The following UNC5C variants were observed in gnomAD, a reference collection of about 807,000 sequenced individuals.
UNC5C encodes the protein unc-5 netrin receptor C.
In UNC5C, 47 loss-of-function variants were observed where a neutral mutation model predicts 99.8. The ratio of observed to expected loss-of-function variants is 0.47; its 90% CI spans 0.37 to 0.60. The LOEUF (loss-of-function observed/expected upper bound fraction) is 0.60, where lower values mean the gene tolerates loss of function less well. Ranked by LOEUF, UNC5C falls within the 20% of genes least tolerant of loss-of-function variation. The probability of loss-of-function intolerance (pLI) is 0.00; values close to 1 mark genes in which losing one functional copy is unlikely to be tolerated. For synonymous variants in UNC5C, 487 were observed against 452.2 expected (o/e 1.08, Z -0.98); for missense variants, 1,062 against 1,165.9 (o/e 0.91, Z 1.30).
intron 1 of UNC5C, among the ~76,000 whole-genome samples, chr4:95,506,004 A>G (rs950366071): frequency 6.6e-6 from 1 of 152,042 alleles, no homozygotes; most frequent in Non-Finnish European, 1.5e-5. Flanking sequence ...ATATGCTGAC[A>G]TGTGCCTTTT....
chr4:95,509,062 A>G (rs987593949), intron 1 of UNC5C, among the ~76,000 whole-genome samples: 5 of 151,894 alleles, frequency 3.3e-5, no homozygotes, highest in Non-Finnish European at 5.9e-5. Flanking sequence ...ATTGAGTGAA[A>G]AGCTTAATTT....
intron 1 of UNC5C, among the ~76,000 whole-genome samples, chr4:95,416,770 C>A (rs1746177573): frequency 6.6e-6 from 1 of 152,130 alleles, no homozygotes; most frequent in Admixed American, 6.5e-5. Flanking sequence ...AATTAAATAG[C>A]TTGTACTTCT....
chr4:95,395,850 A>T (rs1336025535), intron 1 of UNC5C, among the ~76,000 whole-genome samples: 1 of 152,180 alleles, frequency 6.6e-6, no homozygotes, highest in African/African-American at 2.4e-5. Flanking sequence ...TAGACCAAGC[A>T]TGGGGCCCTT....
chr4:95,271,559 G>A (rs1389872169), intron 4 of UNC5C, among the ~76,000 whole-genome samples: 1 of 152,130 alleles, frequency 6.6e-6, no homozygotes, highest in Non-Finnish European at 1.5e-5. Context: ...ATTGATCTTA[G>A]GTCATCTGAA....
In UNC5C at chr4:95,354,480, T is replaced by TATATATATATA. The variant is rs760696053; in HGVS notation, c.125-18850_125-18849insTATATATATAT. On this transcript the variant is annotated intron_variant, in intron 1 of 15. Transcript: ENST00000453304. The stretch of plus-strand genomic sequence containing the variant: ...TACCTAACTCTTCCATATATATATA[T>TATATATATATA]TTTTTTTTTTTTTTTAAGAGACAGG... Among the ~76,000 whole-genome samples, 433 of 105,626 alleles carry TATATATATATA rather than the reference T, an allele frequency of 4.1e-3. 9 individuals carry two copies. Among genetic ancestry groups the TATATATATATA allele is most frequent in the African/African-American group, 0.017 (409 of 24,488 alleles). The allele number at this position is 105,626 out of a possible 152,430, so 69.3% of individuals were successfully genotyped here.
intron 1 of UNC5C, among the ~76,000 whole-genome samples, chr4:95,383,763 G>A (rs1745137060): frequency 6.6e-6 from 1 of 152,032 alleles, no homozygotes; most frequent in Admixed American, 6.6e-5. Context: ...TGATAAAATT[G>A]ACATCCATAT....
intron 1 of UNC5C, among the ~76,000 whole-genome samples, chr4:95,442,268 T>G (rs1327001001): frequency 6.6e-6 from 1 of 151,728 alleles, no homozygotes; most frequent in Non-Finnish European, 1.5e-5. Context: ...AGTGGTGTGA[T>G]CATAGATCAC....
chr4:95,201,539 G>T (rs1036653592), intron 12 of UNC5C, among the ~76,000 whole-genome samples: 3 of 152,096 alleles, frequency 2.0e-5, no homozygotes, highest in African/African-American at 7.2e-5. Flanking sequence ...TGGCCGTAAA[G>T]GTCCATCTAG....
rs746093047 is a variant in UNC5C at position 95,314,454 on chromosome 4, C to G, written c.347-12705G>C. On this transcript the variant is annotated intron_variant, in intron 2 of 15. Transcript: ENST00000453304. ...GAAGAATCAAAGTGCATAAGGTCTA[C>G]TTATTTTGACAACCACAATGCTTGC... 4.5e-4 allele frequency among the ~76,000 whole-genome samples: 69 copies of G among 152,294 alleles called. 1 individual carries two copies. Among genetic ancestry groups the G allele is most frequent in the Non-Finnish European group, 1.9e-4 (13 of 68,022 alleles).
At chr4:95,250,315 G>C (rs1163612937) in intron 5 of UNC5C, among the ~76,000 whole-genome samples, 172 bp downstream of exon 5, 1 of 152,080 alleles carries the variant, frequency 6.6e-6, no homozygotes, top group East Asian at 1.9e-4. Context: ...AGCCTAGGAG[G>C]TTGAGGCTAG....
chr4:95,502,261 T>C (rs185027636), intron 1 of UNC5C, among the ~76,000 whole-genome samples: 1 of 152,162 alleles, frequency 6.6e-6, no homozygotes, highest in Admixed American at 6.5e-5. Flanking sequence ...TAACAGAAAA[T>C]AATTATCATA....
intron 1 of UNC5C, among the ~76,000 whole-genome samples, chr4:95,413,377 CAAGGCCCACCCATG>C (rs1411538465): frequency 3.3e-5 from 5 of 152,154 alleles, no homozygotes; most frequent in Admixed American, 2.6e-4. Context: ...CTTGCTTTCT[CAAGGCCCACCCATG>C]GTGGGGCCTG....
chr4:95,388,114 A>C (rs1745261101), intron 1 of UNC5C, among the ~76,000 whole-genome samples: 1 of 152,214 alleles, frequency 6.6e-6, no homozygotes, highest in Non-Finnish European at 1.5e-5. Flanking sequence ...GGCTCTGAGA[A>C]ATAGGAGTCT....
In UNC5C at chr4:95,398,044, C is replaced by CTTTTTTTTTTTTTTT. The variant is rs34609153; in HGVS notation, c.125-62428_125-62414dup. Among the ~76,000 whole-genome samples, 127 of 95,888 alleles carry CTTTTTTTTTTTTTTT rather than the reference C, an allele frequency of 1.3e-3. 7 individuals carry two copies. The highest frequency in any genetic ancestry group is 4.1e-3 in the African/African-American group (84 of 20,448). The allele number at this position is 95,888 out of a possible 152,430, so 62.9% of individuals were successfully genotyped here. On this transcript the variant is annotated intron_variant, in intron 1 of 15. Coordinates refer to ENST00000453304, the MANE Select transcript of UNC5C (RefSeq NM_003728.4). ...CCCAATGAGAAGTAGCCAAATGTAG[C>CTTTTTTTTTTTTTTT]TTTTTTTTTTTTTTTTTTTGCTTAT...
chr4:95,244,852 T>G, intron 6 of UNC5C, 125 bp downstream of exon 6: 2 of 1,274,316 alleles, frequency 1.6e-6, no homozygotes, highest in Non-Finnish European at 2.2e-6. Context: ...AAACAGTGAG[T>G]AGGATGGATT....
At chr4:95,460,298 G>T (rs1288572960) in intron 1 of UNC5C, among the ~76,000 whole-genome samples, 1 of 141,118 alleles carries the variant, frequency 7.1e-6, no homozygotes, top group African/African-American at 2.8e-5. Flanking sequence ...ATTTTAAATA[G>T]CCATTCTAAT....
chr4:95,445,349 T>G, intron 1 of UNC5C, among the ~76,000 whole-genome samples: 1 of 152,084 alleles, frequency 6.6e-6, no homozygotes, highest in East Asian at 1.9e-4. Context: ...TTTTTTCTTT[T>G]AGATAAATTG....
At chr4:95,393,107 AACTTTATTAT>A (rs1303207438) in intron 1 of UNC5C, among the ~76,000 whole-genome samples, 1 of 152,190 alleles carries the variant, frequency 6.6e-6, no homozygotes, top group African/African-American at 2.4e-5. Flanking sequence ...TCACTGGCTT[AACTTTATTAT>A]ACTGCTCTTC....
At chr4:95,251,428 C>T (rs1739724665) in intron 4 of UNC5C, among the ~76,000 whole-genome samples, 2 of 152,028 alleles carry the variant, frequency 1.3e-5, no homozygotes, top group Admixed American at 6.6e-5. Context: ...TAAGACATGA[C>T]CATTTAAAAC....
Sources: gnomAD v4.1 joint callset for allele counts (sites outside exome capture counted in the v4.1 genomes callset) on GRCh38, gnomAD v4.1.1 for gene constraint, MANE v1.5 for transcripts, NCBI Gene and HGNC (gene_info 2026-07-23, HGNC 2026-07-21) for gene names.